Variants in FHOD3 observed in about 807,000 individuals in gnomAD.
The protein encoded by FHOD3 is FH1/FH2 domain-containing protein 3.
Under a neutral mutation model 173.0 loss-of-function variants are expected in FHOD3, and 90 were observed. That is an observed-to-expected ratio of 0.52 (90% CI 0.44 to 0.62). The LOEUF is 0.62. Among genes scored for constraint, FHOD3 ranks in the 20% least tolerant of loss-of-function variants. The probability of loss-of-function intolerance (pLI) is 0.00; values close to 1 mark genes in which losing one functional copy is unlikely to be tolerated. For synonymous variants in FHOD3, 828 were observed against 823.0 expected (o/e 1.01, Z -0.10); for missense variants, 1,945 against 2,034.7 (o/e 0.96, Z 0.85).
intron 3 of FHOD3, among the ~76,000 whole-genome samples, chr18:36,466,052 C>A (rs987017943): frequency 6.6e-6 from 1 of 152,136 alleles, no homozygotes; most frequent in Non-Finnish European, 1.5e-5. Context: ...CTCACCCACC[C>A]CCAATGCATA....
At chr18:36,383,817 G>A (rs1306951119) in intron 3 of FHOD3, among the ~76,000 whole-genome samples, 1 of 152,182 alleles carries the variant, frequency 6.6e-6, no homozygotes, top group Non-Finnish European at 1.5e-5. Context: ...CCCATGAGGA[G>A]CATATGACTG....
chr18:36,528,653 A>G lies in FHOD3; in HGVS notation c.511+16110A>G, dbSNP rs943502202. Among the ~76,000 whole-genome samples, 14 of 152,248 alleles carry G rather than the reference A, an allele frequency of 9.2e-5. 1 individual carries two copies. The Middle Eastern group carries it at 0.014, about 148-fold the overall frequency. On this transcript the variant is annotated intron_variant, in intron 5 of 28. Transcript: ENST00000590592. ...CCTGTGGCCCTCTGGATACTGGGCAATTTCATCTGCTTAAGGTTTACACAA... is the reference window on the plus strand; with the variant it reads ...CCTGTGGCCCTCTGGATACTGGGCAGTTTCATCTGCTTAAGGTTTACACAA...
At chr18:36,586,586 T>A (rs2059040157) in intron 6 of FHOD3, among the ~76,000 whole-genome samples, 1 of 152,026 alleles carries the variant, frequency 6.6e-6, no homozygotes, top group African/African-American at 2.4e-5. Context: ...CCTCCTGGCT[T>A]CAAGTGATTC....
intron 3 of FHOD3, among the ~76,000 whole-genome samples, chr18:36,461,184 C>G (rs560282082): frequency 6.6e-6 from 1 of 152,258 alleles, no homozygotes; most frequent in South Asian, 2.1e-4. Flanking sequence ...CCTGCTCACT[C>G]CTCTTCCATT....
intron 17 of FHOD3, among the ~76,000 whole-genome samples, chr18:36,696,358 G>T (rs1197608441): frequency 6.6e-6 from 1 of 152,120 alleles, no homozygotes; most frequent in Non-Finnish European, 1.5e-5. Context: ...TACAAGAAAA[G>T]GAAAAACTAA....
At chr18:36,304,317 G>C (rs2092034571) in intron 1 of FHOD3, among the ~76,000 whole-genome samples, 1 of 152,184 alleles carries the variant, frequency 6.6e-6, no homozygotes. Flanking sequence ...AGACAAGTAG[G>C]TGAGTCAATA....
chr18:36,438,750 G>A (rs1312076276), intron 3 of FHOD3, among the ~76,000 whole-genome samples: 4 of 152,174 alleles, frequency 2.6e-5, no homozygotes, highest in African/African-American at 9.7e-5. Context: ...ACTCTCCTCT[G>A]CACCACTGTA....
chr18:36,669,696 T>A (rs961452681), intron 14 of FHOD3, among the ~76,000 whole-genome samples: 22 of 152,042 alleles, frequency 1.4e-4, no homozygotes, highest in African/African-American at 5.3e-4. Context: ...CCAGCCTTTA[T>A]GCTACGGTGA....
intron 5 of FHOD3, among the ~76,000 whole-genome samples, chr18:36,566,491 G>T (rs781646321): frequency 5.9e-5 from 9 of 152,182 alleles, no homozygotes; most frequent in Non-Finnish European, 1.2e-4. Flanking sequence ...GATGGTCTGG[G>T]CAGGAAGCTG....
chr18:36,759,023 T>A, intron 25 of FHOD3, 95 bp from the exon 26 acceptor site: 1 of 1,353,614 alleles, frequency 7.4e-7, no homozygotes, highest in South Asian at 1.2e-5. Context: ...CTTGGAATTT[T>A]ATGTGACATT....
intron 20 of FHOD3, 68 bp downstream of exon 20, chr18:36,730,872 C>A: frequency 6.8e-7 from 1 of 1,472,436 alleles, no homozygotes; most frequent in South Asian, 1.3e-5. Flanking sequence ...TGCTGCATGT[C>A]CACATTTCAA....
In FHOD3 at chr18:36,748,185, A is replaced by T. The variant is rs75001066; in HGVS notation, c.4232+1050A>T. Among the ~76,000 whole-genome samples the T allele has an allele frequency of 8.8e-3, 1,341 of 152,256 alleles. 13 individuals carry two copies. Among genetic ancestry groups the T allele is most frequent in the African/African-American group, 0.031 (1,279 of 41,532 alleles). Reference sequence around the variant, plus strand: ...AGTTCTTTTGGAATTTAATTGTTCAACTATAAATCTCCCTGACTATCTATC... The same window carrying T: ...AGTTCTTTTGGAATTTAATTGTTCATCTATAAATCTCCCTGACTATCTATC... On this transcript the variant is annotated intron_variant, in intron 24 of 28. Coordinates refer to ENST00000590592, the MANE Select transcript of FHOD3 (RefSeq NM_001281740.3).
At chr18:36,463,334 A>T (rs2052676692) in intron 3 of FHOD3, among the ~76,000 whole-genome samples, 1 of 137,300 alleles carries the variant, frequency 7.3e-6, no homozygotes, top group Non-Finnish European at 1.5e-5. Flanking sequence ...ATTTTTATTT[A>T]AAAAAATAAT....
chr18:36,470,155 G>A (rs542675162), intron 3 of FHOD3, among the ~76,000 whole-genome samples: 1 of 152,280 alleles, frequency 6.6e-6, no homozygotes, highest in South Asian at 2.1e-4. Context: ...CTAGGAACGT[G>A]GCAGTTAGCA....
intron 5 of FHOD3, among the ~76,000 whole-genome samples, chr18:36,532,237 C>T (rs575879784): frequency 6.6e-6 from 1 of 152,332 alleles, no homozygotes; most frequent in Admixed American, 6.5e-5. Flanking sequence ...TATGGAGTAT[C>T]TCTTTCTCAG....
chr18:36,442,207 G>C (rs946021541), intron 3 of FHOD3, among the ~76,000 whole-genome samples: 2 of 152,172 alleles, frequency 1.3e-5, no homozygotes, highest in African/African-American at 4.8e-5. Flanking sequence ...GTGTTTGCAA[G>C]GTTGTGGCTC....
In FHOD3 at chr18:36,483,006, C is replaced by T. The variant is rs150154164; in HGVS notation, c.338-18926C>T. On this transcript the variant is annotated intron_variant, in intron 3 of 28. Transcript: ENST00000590592. The stretch of plus-strand genomic sequence containing the variant: ...CTTTTCTGAGCCAGCCAGACCCATG[C>T]CTGTGTGGGCTCAGAATAGTGGGAA... Among the ~76,000 whole-genome samples, 419 of 152,202 alleles carry T rather than the reference C, an allele frequency of 2.8e-3. 1 individual carries two copies. The highest frequency in any genetic ancestry group is 9.4e-3 in the African/African-American group (392 of 41,518).
intron 3 of FHOD3, among the ~76,000 whole-genome samples, chr18:36,458,368 C>G (rs1050108914): frequency 1.3e-5 from 2 of 152,130 alleles, no homozygotes; most frequent in Non-Finnish European, 2.9e-5. Context: ...TAAGGAGTAA[C>G]AGAAAAGAGA....
At chr18:36,678,258 G>A (rs2037989589) in intron 14 of FHOD3, among the ~76,000 whole-genome samples, 1 of 152,006 alleles carries the variant, frequency 6.6e-6, no homozygotes, top group Non-Finnish European at 1.5e-5. Flanking sequence ...GAATGATACT[G>A]GCCAGGTATA....
Sources: gnomAD v4.1 joint callset for allele counts (sites outside exome capture counted in the v4.1 genomes callset) on GRCh38, gnomAD v4.1.1 for gene constraint, MANE v1.5 for transcripts, NCBI Gene and HGNC (gene_info 2026-07-23, HGNC 2026-07-21) for gene names.